Variants in ZNF652 observed in about 807,000 individuals in gnomAD.
ZNF652 encodes zinc finger protein 652.
In ZNF652, 16 loss-of-function variants were observed where a neutral mutation model predicts 45.2. That is an observed-to-expected ratio of 0.35 (90% confidence interval 0.24 to 0.54). The LOEUF is 0.54. ZNF652 is among the 20% of genes least tolerant of loss of function. The pLI is 0.91. For synonymous variants in ZNF652, 250 were observed against 260.6 expected (o/e 0.96, Z 0.39); for missense variants, 614 against 765.6 (o/e 0.80, Z 2.34).
chr17:49,294,098 C>T lies in ZNF652; in HGVS notation c.*4315G>A, dbSNP rs2069440363. On this transcript the variant is annotated 3_prime_UTR_variant, in exon 6 of 6. Coordinates refer to ENST00000430262, the MANE Select transcript of ZNF652 (RefSeq NM_001145365.3). ...TGCTTCATCTTCTCAAAATTTAAAA[C>T]TTCCAGTGAAATAATAATGGAACTA... Among the ~76,000 whole-genome samples, 1 of 152,030 alleles carries T rather than the reference C, an allele frequency of 6.6e-6. No homozygotes were observed. Among genetic ancestry groups the T allele is most frequent in the Non-Finnish European group, 1.5e-5 (1 of 67,992 alleles).
At chr17:49,360,932 TATG>T (rs1445323988) in intron 1 of ZNF652, among the ~76,000 whole-genome samples, 1 of 152,132 alleles carries the variant, frequency 6.6e-6, no homozygotes, top group East Asian at 1.9e-4. Context: ...AGGGATACAC[TATG>T]ATAATGATGC....
In ZNF652 at chr17:49,292,088, A is replaced by C. The variant is rs2069411529; in HGVS notation, c.*6325T>G. Among the ~76,000 whole-genome samples, 1 of 152,184 alleles carries C rather than the reference A, an allele frequency of 6.6e-6. No individual in the cohort carries two copies. Among genetic ancestry groups the C allele is most frequent in the Admixed American group, 6.5e-5 (1 of 15,282 alleles). On this transcript the variant is annotated 3_prime_UTR_variant, in exon 6 of 6. Coordinates refer to ENST00000430262, the MANE Select transcript of ZNF652 (RefSeq NM_001145365.3). The stretch of plus-strand genomic sequence containing the variant: ...AGTCTTAAAAACCTGAGTACTATTA[A>C]CTTTAAGGAAAAGGACATGAGATTT...
intron 1 of ZNF652, among the ~76,000 whole-genome samples, chr17:49,332,681 A>G (rs2070037153): frequency 1.3e-5 from 2 of 152,252 alleles, no homozygotes; most frequent in South Asian, 2.1e-4. Context: ...AGGTCTTGCT[A>G]TGTTGCTCAG....
At chr17:49,299,943 C>T (rs150619217) in intron 5 of ZNF652, among the ~76,000 whole-genome samples, 3,507 of 151,900 alleles carry the variant, frequency 0.023, 58 homozygotes, top group Non-Finnish European at 0.034. Flanking sequence ...GCCTCAGACT[C>T]CCAAAGTGCT....
rs910703268 is a variant in ZNF652, at chr17:49,316,756, C to T, written c.900+70G>A. The T allele has an allele frequency of 2.5e-5, 36 of 1,461,554 alleles. No homozygotes were observed. The Admixed American group carries it at 4.2e-4, about 17-fold the overall frequency. 90.5% of individuals were successfully genotyped at this position (1,461,554 alleles called of 1,614,324 possible). A position where few individuals can be genotyped will look rare whatever the true frequency, so the allele number is the denominator to read the frequency against. Reference sequence around the variant, plus strand: ...CCTCTATTGCATTTATTCTCTTGGGCGGATACCAGATGAATCTGAACAGCC... The same window carrying T: ...CCTCTATTGCATTTATTCTCTTGGGTGGATACCAGATGAATCTGAACAGCC... On this transcript the variant is annotated intron_variant, in intron 2 of 5. Coordinates refer to ENST00000430262, the MANE Select transcript of ZNF652 (RefSeq NM_001145365.3).
At chr17:49,358,117 A>G (rs2070356693) in intron 1 of ZNF652, among the ~76,000 whole-genome samples, 1 of 152,160 alleles carries the variant, frequency 6.6e-6, no homozygotes, top group African/African-American at 2.4e-5. Flanking sequence ...TAATCCTCAT[A>G]ACAAATTCCA....
rs1365984316 is a variant in ZNF652 at position 49,317,561 on chromosome 17, T to C, written c.165A>G (p.Ser55=). ...DLSTKVYKRE[S]GSPYSVLVDT... is the part of the protein sequence containing the mutation. ...CCACTAACACAGAATAAGGACTTCC[T>C]GATTCCCTTTTGTACACTTTGGTGG... The change falls in exon 2 of 6, where the codon TCA becomes TCG. Residue 55 remains serine, a synonymous_variant. Coordinates refer to ENST00000430262, the MANE Select transcript of ZNF652 (RefSeq NM_001145365.3). 2 of 1,614,036 alleles carry C rather than the reference T, an allele frequency of 1.2e-6. No individual in the cohort carries two copies. Among genetic ancestry groups the C allele is most frequent in the Non-Finnish European group, 1.7e-6 (2 of 1,180,018 alleles).
At chr17:49,311,289 T>C in intron 5 of ZNF652, 23 bp downstream of exon 5, 2 of 1,613,118 alleles carry the variant, frequency 1.2e-6, no homozygotes, top group Non-Finnish European at 1.7e-6. Flanking sequence ...ACATTATCTG[T>C]ACCTTTCCCA....
intron 1 of ZNF652, among the ~76,000 whole-genome samples, chr17:49,357,026 C>T (rs1003594706): frequency 6.7e-6 from 1 of 149,092 alleles, no homozygotes; most frequent in African/African-American, 2.5e-5. Context: ...AGGCTGGGCA[C>T]AGTGGCTCAC....
At chr17:49,350,801 C>T (rs2143093122) in intron 1 of ZNF652, among the ~76,000 whole-genome samples, 1 of 151,284 alleles carries the variant, frequency 6.6e-6, no homozygotes, top group Non-Finnish European at 1.5e-5. Context: ...AAAACCCCAT[C>T]TCTACTAAAA....
chr17:49,360,751 A>G (rs937580301), intron 1 of ZNF652, among the ~76,000 whole-genome samples: 3 of 150,002 alleles, frequency 2.0e-5, no homozygotes, highest in Non-Finnish European at 3.0e-5. Flanking sequence ...CATCCTCTGG[A>G]AAAAAAAAAT....
In ZNF652 at chr17:49,335,102, A is replaced by G. The variant is rs561381894; in HGVS notation, c.-258-17119T>C. Among the ~76,000 whole-genome samples the G allele has an allele frequency of 4.6e-5, 7 of 152,350 alleles. No homozygotes were observed. In the South Asian group the frequency reaches 1.4e-3, roughly 32 times the overall value. Reference sequence around the variant, plus strand: ...AAACTGCAGACTTGTATGCTTTAAAATGATAAATTTTATAGTAAATGAATT... The same window carrying G: ...AAACTGCAGACTTGTATGCTTTAAAGTGATAAATTTTATAGTAAATGAATT... On this transcript the variant is annotated intron_variant, in intron 1 of 5. Coordinates refer to ENST00000430262, the MANE Select transcript of ZNF652 (RefSeq NM_001145365.3).
chr17:49,343,636 C>T (rs2070172140), intron 1 of ZNF652, among the ~76,000 whole-genome samples: 1 of 151,548 alleles, frequency 6.6e-6, no homozygotes, highest in Admixed American at 6.6e-5. Flanking sequence ...TTTTTGCTTG[C>T]TTGCCTTTAA....
chr17:49,289,867 G>C lies in ZNF652; in HGVS notation c.*8546C>G, dbSNP rs1446439427. On this transcript the variant is annotated 3_prime_UTR_variant, in exon 6 of 6. Coordinates refer to ENST00000430262, the MANE Select transcript of ZNF652 (RefSeq NM_001145365.3). ...CTTATGACCTAGCAGGCAGAACAGG[G>C]ACCAAGCAGCTTCTATTTTGTCAAA... 6.6e-6 allele frequency: 1 copy of C among 152,246 alleles called. No individual in the cohort carries two copies. The highest frequency in any genetic ancestry group is 1.5e-5 in the Non-Finnish European group (1 of 68,064). The allele number at this position is 152,246 out of a possible 1,614,324, so 9.4% of individuals were successfully genotyped here.
chr17:49,346,922 T>G (rs1264410897), intron 1 of ZNF652, among the ~76,000 whole-genome samples: 1 of 152,234 alleles, frequency 6.6e-6, no homozygotes, highest in Non-Finnish European at 1.5e-5. Flanking sequence ...AGGGAATGTA[T>G]GAGTTTGGAA....
Position 49,290,174 on chromosome 17 carries a change from T to G in ZNF652, c.*8239A>C, listed in dbSNP as rs3179840. ...GGTTCAGACTTGGCTGGGGGTGAGG[T>G]GGCCAGGCAGAAATCAGTTAAGAAG... On this transcript the variant is annotated 3_prime_UTR_variant, in exon 6 of 6. Transcript: ENST00000430262. 0.57 allele frequency: 86,596 copies of G among 152,026 alleles called. 25,001 individuals are homozygous for G. Among genetic ancestry groups the G allele is most frequent in the South Asian group, 0.74 (3,578 of 4,818 alleles). The allele number at this position is 152,026 out of a possible 1,614,324, so 9.4% of individuals were successfully genotyped here. A position where few individuals can be genotyped will look rare whatever the true frequency, so the allele number is the denominator to read the frequency against.
intron 5 of ZNF652, among the ~76,000 whole-genome samples, chr17:49,308,111 G>T (rs539396391): frequency 6.6e-6 from 1 of 151,784 alleles, no homozygotes; most frequent in Admixed American, 6.6e-5. Context: ...TCTCTTGGTG[G>T]TATGATTTTA....
intron 1 of ZNF652, among the ~76,000 whole-genome samples, chr17:49,324,452 G>A (rs571343421): frequency 2.2e-4 from 34 of 152,046 alleles, no homozygotes; most frequent in African/African-American, 6.8e-4. Flanking sequence ...GTGCAGTGGC[G>A]TGATCTCAGC....
At chr17:49,327,399 G>A (rs971966156) in intron 1 of ZNF652, among the ~76,000 whole-genome samples, 1 of 151,854 alleles carries the variant, frequency 6.6e-6, no homozygotes, top group African/African-American at 2.4e-5. Flanking sequence ...CTGACCTCGT[G>A]AGCCGCTGTC....
Sources: gnomAD v4.1 joint callset for allele counts (sites outside exome capture counted in the v4.1 genomes callset) on GRCh38, gnomAD v4.1.1 for gene constraint, MANE v1.5 for transcripts, NCBI Gene and HGNC (gene_info 2026-07-23, HGNC 2026-07-21) for gene names.